GLB1: variants seen among roughly 807,000 people sequenced by gnomAD.
GLB1 encodes beta-galactosidase.
GLB1 carries 56 observed loss-of-function variants against 74.0 expected under a neutral mutation model. That is an observed-to-expected ratio of 0.76 (90% CI 0.61 to 0.94). GLB1 has a LOEUF of 0.94. GLB1 is among the 40% of genes least tolerant of loss of function. The probability of loss-of-function intolerance (pLI) is 0.00; values close to 1 mark genes in which losing one functional copy is unlikely to be tolerated. For synonymous variants in GLB1, 323 were observed against 323.6 expected (o/e 1.00, Z 0.02); for missense variants, 787 against 845.5 (o/e 0.93, Z 0.86).
chr3:33,044,254 G>T, intron 10 of GLB1, among the ~76,000 whole-genome samples: 1 of 151,930 alleles, frequency 6.6e-6, no homozygotes, highest in East Asian at 1.9e-4. Flanking sequence ...AATGCAAAAA[G>T]ACTAGAAATC....
the GLB1 span, among the ~76,000 whole-genome samples, chr3:32,978,543 G>T: frequency 0.74 from 112,246 of 152,030 alleles, 43,554 homozygotes; most frequent in East Asian, 0.92. Context: ...TCCCTTTTCT[G>T]CAATGGATGA....
chr3:33,029,224 T>TA (rs1697905219), intron 10 of GLB1, among the ~76,000 whole-genome samples: 1 of 152,208 alleles, frequency 6.6e-6, no homozygotes, highest in Non-Finnish European at 1.5e-5. Flanking sequence ...TATTTTTCCA[T>TA]AATAATTTGT....
At chr3:33,035,876 A>C (rs1415498909) in intron 10 of GLB1, among the ~76,000 whole-genome samples, 1 of 152,160 alleles carries the variant, frequency 6.6e-6, no homozygotes, top group East Asian at 1.9e-4. Flanking sequence ...TTTCTTCTTT[A>C]AACTACTTCA....
chr3:33,017,434 C>T (rs1697281353), intron 13 of GLB1, among the ~76,000 whole-genome samples: 1 of 152,144 alleles, frequency 6.6e-6, no homozygotes. Context: ...TAAGACAACA[C>T]CCAAGTTAGA....
At chr3:33,091,943 C>G (rs1700781509) in intron 1 of GLB1, 1 of 985,168 alleles carries the variant, frequency 1.0e-6, no homozygotes, top group Admixed American at 6.1e-5. Context: ...GGTACAAGAC[C>G]TGGTTTCTAG....
In GLB1 at chr3:33,058,283, A is replaced by G. The variant is rs1209252754; in HGVS notation, c.553-14T>C. On this transcript the variant is annotated splice_polypyrimidine_tract_variant and intron_variant, in intron 5 of 15. Coordinates refer to ENST00000307363, the MANE Select transcript of GLB1 (RefSeq NM_000404.4). ...TTCATTTTCAACCTGTGAGTGAAAA[A>G]AGAGCAGGGAAAAATGAGGAGATCC... The G allele has an allele frequency of 6.2e-7, 1 of 1,613,950 alleles. No individual in the cohort carries two copies. Among genetic ancestry groups the G allele is most frequent in the African/African-American group, 1.3e-5 (1 of 74,940 alleles).
rs549618960 is a variant in GLB1, at chr3:33,032,734, T to C, written c.1069-8409A>G. ...CACTGTGCCCAGCCCTAAATGTTTTTCAAATTGATTTCTTCCTCTCCACTC... is the reference window on the plus strand; with the variant it reads ...CACTGTGCCCAGCCCTAAATGTTTTCCAAATTGATTTCTTCCTCTCCACTC... On this transcript the variant is annotated intron_variant, in intron 10 of 15. Coordinates refer to ENST00000307363, the MANE Select transcript of GLB1 (RefSeq NM_000404.4). Among the ~76,000 whole-genome samples the C allele has an allele frequency of 2.0e-5, 3 of 152,284 alleles. No individual in the cohort carries two copies. The East Asian group carries it at 5.8e-4, about 29-fold the overall frequency.
intron 11 of GLB1, among the ~76,000 whole-genome samples, chr3:33,023,350 A>G (rs1249267076): frequency 2.0e-5 from 3 of 152,238 alleles, no homozygotes; most frequent in Admixed American, 2.0e-4. Flanking sequence ...AAAGATCCTT[A>G]TCAGACAGAA....
At chr3:33,013,212 T>C (rs1396537193) in intron 15 of GLB1, among the ~76,000 whole-genome samples, 2 of 152,228 alleles carry the variant, frequency 1.3e-5, no homozygotes, top group African/African-American at 4.8e-5. Context: ...TCATCCTTCA[T>C]ATCTCTGACA....
intron 10 of GLB1, among the ~76,000 whole-genome samples, chr3:33,045,132 A>G (rs1004086673): frequency 1.3e-5 from 2 of 152,196 alleles, no homozygotes; most frequent in Non-Finnish European, 2.9e-5. Flanking sequence ...TGTGTCAGGA[A>G]CTGTCCTGGA....
chr3:33,000,083 G>C (rs1270089166), intron 15 of GLB1, among the ~76,000 whole-genome samples: 1 of 151,612 alleles, frequency 6.6e-6, no homozygotes, highest in Non-Finnish European at 1.5e-5. Context: ...GGGACTACGG[G>C]CATGCCCCAC....
At chr3:33,083,790 T>A (rs1293139099) in intron 1 of GLB1, among the ~76,000 whole-genome samples, 1 of 152,056 alleles carries the variant, frequency 6.6e-6, no homozygotes, top group Non-Finnish European at 1.5e-5. Flanking sequence ...TGTAATTTTT[T>A]AAAAAGTTAT....
chr3:32,973,915 C>G, the GLB1 span, among the ~76,000 whole-genome samples: 2 of 152,106 alleles, frequency 1.3e-5, no homozygotes, highest in African/African-American at 4.8e-5. Flanking sequence ...GCACTTGAAG[C>G]AAGCAGCAGC....
At chr3:33,009,154 T>TAAATAAAAAAAA (rs761134064) in intron 15 of GLB1, among the ~76,000 whole-genome samples, 1 of 131,516 alleles carries the variant, frequency 7.6e-6, no homozygotes, top group African/African-American at 2.6e-5. Context: ...AATAAATAAA[T>TAAATAAAAAAAA]AAAAAAGATT....
chr3:33,047,647 G>A (rs1698796296), intron 9 of GLB1, among the ~76,000 whole-genome samples: 1 of 152,220 alleles, frequency 6.6e-6, no homozygotes, highest in Non-Finnish European at 1.5e-5. Flanking sequence ...GTTTACCTAG[G>A]ATTAGTAATA....
chr3:33,041,661 C>CAAAAAAAAAAAAA (rs58227885), intron 10 of GLB1, among the ~76,000 whole-genome samples: 1 of 99,332 alleles, frequency 1.0e-5, no homozygotes, highest in Non-Finnish European at 2.1e-5. Flanking sequence ...ACCCTGTCTT[C>CAAAAAAAAAAAAA]AAAAAAAAAA....
intron 1 of GLB1, among the ~76,000 whole-genome samples, chr3:33,084,724 AT>A (rs1700441517): frequency 1.3e-5 from 2 of 152,314 alleles, no homozygotes; most frequent in African/African-American, 4.8e-5. Context: ...AAAAATAAAA[AT>A]TAAATTAAAA....
intron 1 of GLB1, among the ~76,000 whole-genome samples, chr3:33,086,178 G>T (rs1700496790): frequency 1.3e-5 from 2 of 152,096 alleles, no homozygotes; most frequent in South Asian, 2.1e-4. Flanking sequence ...AAAAACATCA[G>T]ATATATAAAA....
the GLB1 span, among the ~76,000 whole-genome samples, chr3:32,978,356 T>C: frequency 6.6e-6 from 1 of 151,358 alleles, no homozygotes; most frequent in Admixed American, 6.6e-5. Context: ...ATCCTCACCC[T>C]TTCCCACAGA....
Sources: gnomAD v4.1 joint callset for allele counts (sites outside exome capture counted in the v4.1 genomes callset) on GRCh38, gnomAD v4.1.1 for gene constraint, MANE v1.5 for transcripts, NCBI Gene and HGNC (gene_info 2026-07-23, HGNC 2026-07-21) for gene names.